SCNN1A: variants seen among roughly 807,000 people sequenced by gnomAD.
SCNN1A encodes the protein epithelial sodium channel subunit alpha.
Under a neutral mutation model 68.6 loss-of-function variants are expected in SCNN1A, and 65 were observed. The ratio of observed to expected loss-of-function variants is 0.95; its 90% confidence interval spans 0.78 to 1.16. SCNN1A has a LOEUF of 1.16. Ranked by LOEUF, SCNN1A falls within the 50% of genes most tolerant of loss-of-function variation. The pLI is 0.00. For missense variants in SCNN1A, 880 were observed against 865.9 expected (o/e 1.02, Z -0.20); for synonymous variants, 357 against 353.3 (o/e 1.01, Z -0.12).
intron 4 of SCNN1A, chr12:6,356,085 C>T (rs994919241): frequency 1.6e-6 from 1 of 623,662 alleles, no homozygotes. Flanking sequence ...CAACCAACAG[C>T]CTGTGAGAGT....
intron 2 of SCNN1A, among the ~76,000 whole-genome samples, chr12:6,369,811 G>A (rs1301069185): frequency 7.1e-6 from 1 of 140,178 alleles, no homozygotes; most frequent in Non-Finnish European, 1.5e-5. Flanking sequence ...TCCAGCCTGG[G>A]CAACAGTGCA....
chr12:6,369,804 A>G (rs943319082), intron 2 of SCNN1A, among the ~76,000 whole-genome samples: 2 of 145,278 alleles, frequency 1.4e-5, no homozygotes, highest in Non-Finnish European at 3.0e-5. Flanking sequence ...ACTGCACTCC[A>G]GCCTGGGCAA....
intron 5 of SCNN1A, 50 bp from the exon 6 acceptor site, chr12:6,355,485 GA>G (rs746503810): frequency 6.3e-7 from 1 of 1,594,674 alleles, no homozygotes; most frequent in Non-Finnish European, 8.6e-7. Flanking sequence ...TCCTAGAAAA[GA>G]GTTAGGAGAT....
At chr12:6,375,447 G>A in intron 1 of SCNN1A, 58 bp downstream of exon 1, 1 of 1,535,196 alleles carries the variant, frequency 6.5e-7, no homozygotes, top group Non-Finnish European at 8.7e-7. Flanking sequence ...GTTGCGGCTG[G>A]ACTGGGACTG....
At position 6,372,142 on chromosome 12, in the gene SCNN1A, C is replaced by T. The variant is rs917666510; in HGVS notation, c.416+2226G>A. On this transcript the variant is annotated intron_variant, in intron 2 of 12. Coordinates refer to ENST00000228916, the MANE Select transcript of SCNN1A (RefSeq NM_001038.6). This position sits in a 1 kb window ranked among gnomAD's most constrained non-coding sequence, Gnocchi z 5.8. Reference sequence around the variant, plus strand: ...TACAGGCGTGAGGCACCATGCCCAGCGGTTATTTTTTAATTTAATAAATAA... The same window carrying T: ...TACAGGCGTGAGGCACCATGCCCAGTGGTTATTTTTTAATTTAATAAATAA... Among the ~76,000 whole-genome samples, 6 of 152,152 alleles carry T rather than the reference C, an allele frequency of 3.9e-5. No individual in the cohort carries two copies. The South Asian group carries it at 1.0e-3, about 26-fold the overall frequency.
intron 2 of SCNN1A, among the ~76,000 whole-genome samples, chr12:6,369,422 C>A (rs2136900657): frequency 6.6e-6 from 1 of 152,026 alleles, no homozygotes; most frequent in East Asian, 1.9e-4. Context: ...GCCTGGGCTC[C>A]CAGCCCTTGA....
In SCNN1A at chr12:6,349,177, G is replaced by A. The variant is rs148749888; in HGVS notation, c.1484C>T (p.Ser495Leu). 1,256 of 1,614,032 alleles carry A rather than the reference G, an allele frequency of 7.8e-4. 5 individuals carry two copies. Among genetic ancestry groups the A allele is most frequent in the Middle Eastern group, 5.6e-3 (34 of 6,022 alleles). ...QLSAGYSRWP[S>L]VTSQEWVFQM... is the part of the protein sequence containing the mutation. Reference sequence around the variant, plus strand: ...CCCACACTCTACCTGGGATGTCACCGAGGGCCATCGTGAGTAACCAGCAGA... The same window carrying A: ...CCCACACTCTACCTGGGATGTCACCAAGGGCCATCGTGAGTAACCAGCAGA... Residue 495 changes from serine to leucine, a missense_variant, in exon 10 of 13, where the codon TCG becomes TTG. By Grantham distance (145) the Ser-to-Leu change is moderately radical (BLOSUM62 -2). This residue lies in a region of SCNN1A where 758 missense variants were observed against 721.8 expected (regional missense o/e 1.05). Transcript: ENST00000228916.
intron 8 of SCNN1A, among the ~76,000 whole-genome samples, chr12:6,353,105 G>GCACACGACTTCCCTGC (rs1379736087): frequency 6.6e-6 from 1 of 152,122 alleles, no homozygotes; most frequent in African/African-American, 2.4e-5. Flanking sequence ...CAGCTTCCTG[G>GCACACGACTTCCCTGC]CACACGACTT....
intron 2 of SCNN1A, among the ~76,000 whole-genome samples, chr12:6,370,274 C>G (rs1948765651): frequency 6.6e-6 from 1 of 152,232 alleles, no homozygotes; most frequent in Non-Finnish European, 1.5e-5. Context: ...TGAACCCAGG[C>G]CTGTTCACTC....
intron 10 of SCNN1A, 53 bp from the exon 11 acceptor site, chr12:6,349,058 C>T (rs117888764): frequency 5.6e-6 from 9 of 1,608,162 alleles, no homozygotes; most frequent in Non-Finnish European, 7.7e-6. Context: ...TTCAGGCTTA[C>T]AGGGATAGGG....
rs1948586298 is a variant in SCNN1A at position 6,361,982 on chromosome 12, G to T, written c.875+69C>A. ...CAAGCATTTCCTGGGCCCTGCCCATGCAGGGCGTGAGGCTGACCCAGGGAA... is the reference window on the plus strand; with the variant it reads ...CAAGCATTTCCTGGGCCCTGCCCATTCAGGGCGTGAGGCTGACCCAGGGAA... On this transcript the variant is annotated intron_variant, in intron 4 of 12. Coordinates refer to ENST00000228916, the MANE Select transcript of SCNN1A (RefSeq NM_001038.6). The T allele has an allele frequency of 3.9e-6, 6 of 1,523,942 alleles. No individual in the cohort carries two copies. In the African/African-American group the frequency reaches 4.1e-5, roughly 10 times the overall value. The allele number at this position is 1,523,942 out of a possible 1,614,324, so 94.4% of individuals were successfully genotyped here.
intron 3 of SCNN1A, among the ~76,000 whole-genome samples, chr12:6,362,596 T>C (rs1434947386): frequency 1.3e-5 from 2 of 152,138 alleles, no homozygotes; most frequent in African/African-American, 4.8e-5. Context: ...GAGCTGGGAC[T>C]AGGACTCCAG....
intron 4 of SCNN1A, among the ~76,000 whole-genome samples, chr12:6,358,795 A>G (rs7976804): frequency 0.66 from 99,580 of 150,104 alleles, 34,014 homozygotes; most frequent in East Asian, 0.83. Flanking sequence ...AGGAAATCAA[A>G]GCTACAGTGA....
Position 6,349,721 on chromosome 12 carries a change from T to A in SCNN1A, c.1361-316A>T, listed in dbSNP as rs72657563. 263 of 249,214 alleles carry A rather than the reference T, an allele frequency of 1.1e-3. 2 individuals are homozygous for A. The highest frequency in any genetic ancestry group is 3.2e-3 in the Middle Eastern group (2 of 624). The allele number at this position is 249,214 out of a possible 1,614,324, so 15.4% of individuals were successfully genotyped here. On this transcript the variant is annotated intron_variant, in intron 8 of 12. Coordinates refer to ENST00000228916, the MANE Select transcript of SCNN1A (RefSeq NM_001038.6). ...GAGACCTTGTCTCTAAAAAAAAAAA[T>A]TTTTAATAAATTAATTTTTTTTTTA...
At chr12:6,369,258 G>GCTGCCACCCTACGCACCTCCCTC (rs1948734919) in intron 2 of SCNN1A, among the ~76,000 whole-genome samples, 1 of 126,122 alleles carries the variant, frequency 7.9e-6, no homozygotes, top group Non-Finnish European at 1.7e-5. Flanking sequence ...CCTCCTCCAT[G>GCTGCCACCCTACGCACCTCCCTC]CTGCCACCCT....
At position 6,374,937 on chromosome 12, in the gene SCNN1A, G is replaced by T. The variant is rs1290001478; in HGVS notation, c.-54-100C>A. On this transcript the variant is annotated intron_variant, in intron 1 of 12. Transcript: ENST00000228916. This position sits in a 1 kb window ranked among gnomAD's most constrained non-coding sequence, Gnocchi z 6.2. ...CTCCCATCACCCCTGGAACCCGAGT[G>T]AGGCTGCCCCTGGCCATGCCCATGT... 6.3e-7 allele frequency: 1 copy of T among 1,591,042 alleles called. No homozygotes were observed. The highest frequency in any genetic ancestry group is 2.3e-5 in the East Asian group (1 of 43,790).
rs1472244635 is a variant in SCNN1A at position 6,354,860 on chromosome 12, C to T, written c.1144-12G>A. 3.7e-6 allele frequency: 6 copies of T among 1,605,810 alleles called. No individual in the cohort carries two copies. The highest frequency in any genetic ancestry group is 1.7e-5 in the Admixed American group (1 of 59,990). On this transcript the variant is annotated splice_polypyrimidine_tract_variant and intron_variant, in intron 6 of 12. Transcript: ENST00000228916. ...CTGTCCAGGGTTTCCTATGAACCCA[C>T]ATACACCAAGAGATCAGAGGACAGA...
chr12:6,359,306 T>A (rs894636406), intron 4 of SCNN1A, among the ~76,000 whole-genome samples: 9 of 151,978 alleles, frequency 5.9e-5, no homozygotes, highest in Admixed American at 4.6e-4. Context: ...GAAAAGGGTG[T>A]AGTTATCGGG....
At chr12:6,352,955 G>A (rs1193930346) in intron 8 of SCNN1A, among the ~76,000 whole-genome samples, 1 of 152,242 alleles carries the variant, frequency 6.6e-6, no homozygotes, top group Non-Finnish European at 1.5e-5. Flanking sequence ...CCACCCTGTG[G>A]GACAGCTGGG....
Sources: gnomAD v4.1 joint callset for allele counts (sites outside exome capture counted in the v4.1 genomes callset) on GRCh38, gnomAD v4.1.1 for gene constraint, gnomAD v4.1.1 regional missense constraint, Gnocchi (gnomAD v3.1) non-coding constraint, MANE v1.5 for transcripts, NCBI Gene and HGNC (gene_info 2026-07-23, HGNC 2026-07-21) for gene names.